Variants in SLC6A12 observed in about 807,000 individuals in gnomAD.
SLC6A12 encodes the protein solute carrier family 6 member 12.
A neutral mutation model predicts 73.3 loss-of-function variants in SLC6A12; 50 were observed. That is an observed-to-expected ratio of 0.68 (90% CI 0.54 to 0.86). The LOEUF (loss-of-function observed/expected upper bound fraction) is 0.86. SLC6A12 is among the 40% of genes least tolerant of loss of function. The pLI, the probability that SLC6A12 is intolerant of heterozygous loss-of-function variation, is 0.00. For synonymous variants in SLC6A12, 304 were observed against 309.2 expected (o/e 0.98, Z 0.18); for missense variants, 648 against 772.8 (o/e 0.84, Z 1.92).
intron 6 of SLC6A12, chr12:201,277 G>A: frequency 5.1e-6 from 1 of 194,202 alleles, no homozygotes. Context: ...GCGTGGGAAT[G>A]CAGGTGGACG....
downstream of SLC6A12, among the ~76,000 whole-genome samples, chr12:187,091 T>A (rs1490813641): frequency 1.3e-5 from 2 of 152,200 alleles, no homozygotes; most frequent in Admixed American, 1.3e-4. Flanking sequence ...TGTGGCAAAC[T>A]CCAGCATGCC....
intron 14 of SLC6A12, chr12:193,026 G>C (rs1318436359): frequency 1.9e-6 from 1 of 530,488 alleles, no homozygotes; most frequent in Non-Finnish European, 3.4e-6. Context: ...CGAGAAATCA[G>C]GCAGAAGCAG....
Position 201,793 on chromosome 12 carries a change from T to C in SLC6A12, c.547A>G (p.Asn183Asp). ...AATTCCATGACAGGTGAGGTAAAAT[T>C]CTCAAATGGGGTCACTGTGCCGGCT... ...SGAGTVTPFE[N>D]FTSPVMEFWE... Residue 183 changes from asparagine (N) to aspartate (D), a missense_variant, in exon 6 of 16, where the codon AAT becomes GAT. Asn to Asp is a conservative substitution (Grantham distance 23). Transcript: ENST00000684302. 6.2e-7 allele frequency: 1 copy of C among 1,614,016 alleles called. No individual in the cohort carries two copies. Among genetic ancestry groups the C allele is most frequent in the African/African-American group, 1.3e-5 (1 of 75,016 alleles).
At chr12:199,732 C>T (rs1312539776) in intron 7 of SLC6A12, 1 of 152,172 alleles carries the variant, frequency 6.6e-6, no homozygotes, top group African/African-American at 2.4e-5. Context: ...GCATGAAGCA[C>T]AGTCTCCGGC....
At chr12:200,338 G>A (rs1940180264) in intron 7 of SLC6A12, among the ~76,000 whole-genome samples, 1 of 151,908 alleles carries the variant, frequency 6.6e-6, no homozygotes, top group Admixed American at 6.6e-5. Context: ...TCGATCTCCT[G>A]ACCTCGTGAT....
chr12:206,276 T>C (rs190281037), intron 3 of SLC6A12, among the ~76,000 whole-genome samples: 103 of 152,324 alleles, frequency 6.8e-4, no homozygotes, highest in African/African-American at 2.2e-3. Context: ...GTGATTCTAC[T>C]TTCTGTTTCT....
Position 195,329 on chromosome 12 carries a change from T to C in SLC6A12, c.1327-2A>G. 2 of 1,595,166 alleles carry C rather than the reference T, an allele frequency of 1.3e-6. No individual in the cohort carries two copies. The highest frequency in any genetic ancestry group is 8.6e-7 in the Non-Finnish European group (1 of 1,162,628). ...CAGCTGGAAGATGTACATCCCGCCC[T>C]GTGGGGAGAGCGTGGAGCTGGGGCA... On this transcript the variant is annotated splice_acceptor_variant, in intron 12 of 15. Coordinates refer to ENST00000684302, the MANE Select transcript of SLC6A12 (RefSeq NM_001122848.3). LOFTEE classifies it high-confidence loss of function.
At chr12:204,801 G>A in intron 3 of SLC6A12, 103 bp from the exon 4 acceptor site, 1 of 1,315,472 alleles carries the variant, frequency 7.6e-7, no homozygotes, top group Non-Finnish European at 1.1e-6. Context: ...CCACCATCCT[G>A]TTCTTAATCT....
At position 197,545 on chromosome 12, in the gene SLC6A12, A is replaced by C. The variant is rs751977767; in HGVS notation, c.951-44T>G. 3.2e-6 allele frequency: 5 copies of C among 1,578,164 alleles called. No homozygotes were observed. The Admixed American group carries it at 9.1e-5, about 29-fold the overall frequency. Reference sequence around the variant, plus strand: ...GGCAGACAGGAACGGGGAGGAAAAGAGAGGAAGAGAGAGAGATCAGTCATG... The same window carrying C: ...GGCAGACAGGAACGGGGAGGAAAAGCGAGGAAGAGAGAGAGATCAGTCATG... On this transcript the variant is annotated intron_variant, in intron 9 of 15. Transcript: ENST00000684302.
intron 4 of SLC6A12, chr12:204,334 G>C: frequency 1.9e-6 from 1 of 529,212 alleles, no homozygotes; most frequent in Non-Finnish European, 3.4e-6. Flanking sequence ...CACCAAACTG[G>C]CCTCCCCCAC....
In SLC6A12 at chr12:196,176, A is replaced by G; in HGVS notation, c.1274T>C (p.Ile425Thr). The change falls in exon 12 of 16, where the codon ATC (isoleucine) becomes ACC (threonine). Residue 425 changes from isoleucine to threonine, a missense_variant. Ile to Thr is a moderately conservative substitution (Grantham distance 89). Coordinates refer to ENST00000684302, the MANE Select transcript of SLC6A12 (RefSeq NM_001122848.3). ...LRKSGRRELL[I>T]LTIAVMCYLI... ...GTAGCACATGACGGCGATGGTGAGG[A>G]TGAGGAGCTCGCGCCGCCCGCTCTT... 6.3e-7 allele frequency: 1 copy of G among 1,579,406 alleles called. No homozygotes were observed. The highest frequency in any genetic ancestry group is 8.6e-7 in the Non-Finnish European group (1 of 1,163,258).
chr12:205,965 C>A (rs887943999), intron 3 of SLC6A12, among the ~76,000 whole-genome samples: 3 of 152,238 alleles, frequency 2.0e-5, no homozygotes, highest in African/African-American at 7.2e-5. Context: ...ATGAAGACCA[C>A]TGTCCACATC....
Position 205,574 on chromosome 12 carries a change from G to A in SLC6A12, c.215-876C>T, listed in dbSNP as rs139283723. Among the ~76,000 whole-genome samples the A allele has an allele frequency of 1.6e-3, 242 of 152,310 alleles. 3 individuals are homozygous for A. In the East Asian group the frequency reaches 0.044, roughly 27 times the overall value. Reference sequence around the variant, plus strand: ...CATGAATGAGGAAACTGAGGCACAAGCCCAGGCAGTCTAGTCCTGAGGCTG... The same window carrying A: ...CATGAATGAGGAAACTGAGGCACAAACCCAGGCAGTCTAGTCCTGAGGCTG... On this transcript the variant is annotated intron_variant, in intron 3 of 15. Transcript: ENST00000684302.
intron 3 of SLC6A12, 179 bp from the exon 4 acceptor site, chr12:204,877 G>A: frequency 3.1e-6 from 2 of 638,590 alleles, no homozygotes; most frequent in Admixed American, 5.3e-5. Flanking sequence ...GGCAGGCACA[G>A]GTGGGAATGT....
chr12:198,686 T>G lies in SLC6A12; in HGVS notation c.846+111A>C. ...TCCATATTTTCTAATTTATCTCCAG[T>G]GGGCATTTATTGCTTTTAAACCAAG... On this transcript the variant is annotated intron_variant, in intron 8 of 15. Transcript: ENST00000684302. The surrounding 1 kb of genome is among the most constrained non-coding windows in gnomAD (Gnocchi z 4.0). 1 of 816,100 alleles carries G rather than the reference T, an allele frequency of 1.2e-6. No homozygotes were observed. The highest frequency in any genetic ancestry group is 1.9e-6 in the Non-Finnish European group (1 of 526,626). 50.6% of individuals were successfully genotyped at this position (816,100 alleles called of 1,614,324 possible). A position where few individuals can be genotyped will look rare whatever the true frequency, so the allele number is the denominator to read the frequency against.
chr12:195,505 C>T (rs1254520322), intron 12 of SLC6A12, among the ~76,000 whole-genome samples, 178 bp from the exon 13 acceptor site: 2 of 152,200 alleles, frequency 1.3e-5, no homozygotes, highest in African/African-American at 2.4e-5. Context: ...CCCCAGTCAA[C>T]ATCAGGACAA....
At chr12:205,389 T>C (rs903069615) in intron 3 of SLC6A12, among the ~76,000 whole-genome samples, 3 of 152,228 alleles carry the variant, frequency 2.0e-5, no homozygotes, top group Admixed American at 2.0e-4. Context: ...ATGAGAACGC[T>C]GAGTGCTTAT....
chr12:203,484 T>C (rs1940418995), intron 4 of SLC6A12: 2 of 152,076 alleles, frequency 1.3e-5, no homozygotes, highest in Admixed American at 1.3e-4. Context: ...GCAGCGGCGT[T>C]GGGGCGGCCC....
chr12:210,110 C>T (rs909531201), intron 2 of SLC6A12, 67 bp from the exon 3 acceptor site: 37 of 1,462,990 alleles, frequency 2.5e-5, no homozygotes, highest in Middle Eastern at 4.8e-4. Flanking sequence ...TTTCCCATCC[C>T]GATCTCCGCT....
Sources: gnomAD v4.1 joint callset for allele counts (sites outside exome capture counted in the v4.1 genomes callset) on GRCh38, gnomAD v4.1.1 for gene constraint, Gnocchi (gnomAD v3.1) non-coding constraint, MANE v1.5 for transcripts, NCBI Gene and HGNC (gene_info 2026-07-23, HGNC 2026-07-21) for gene names.